Variants in SHISA6 observed in about 807,000 individuals in gnomAD.
SHISA6 encodes protein shisa-6.
Under a neutral mutation model 47.9 loss-of-function variants are expected in SHISA6, and 22 were observed. That is an observed-to-expected ratio of 0.46 (90% confidence interval 0.33 to 0.66). The LOEUF is 0.66. Ranked by LOEUF, SHISA6 falls within the 30% of genes least tolerant of loss-of-function variation. The pLI, the probability that SHISA6 is intolerant of heterozygous loss-of-function variation, is 0.02. For synonymous variants in SHISA6, 388 were observed against 337.8 expected (o/e 1.15, Z -1.63); for missense variants, 680 against 764.6 (o/e 0.89, Z 1.30).
intron 2 of SHISA6, among the ~76,000 whole-genome samples, chr17:11,333,635 C>A (rs12603375): frequency 0.17 from 26,085 of 152,092 alleles, 2,454 homozygotes; most frequent in Middle Eastern, 0.29. Flanking sequence ...ATGCCTCAGC[C>A]TCCCAAGTAG....
chr17:11,533,587 A>ATTTTTTTTTTTTTTTTTTTTTTTTTTTTT, intron 3 of SHISA6, among the ~76,000 whole-genome samples: 1 of 94,998 alleles, frequency 1.1e-5, no homozygotes, highest in Admixed American at 1.5e-4. Context: ...CCCTTTCATT[A>ATTTTTTTTTTTTTTTTTTTTTTTTTTTTT]TTTTTTTTTT....
intron 2 of SHISA6, among the ~76,000 whole-genome samples, chr17:11,352,735 G>C (rs549237092): frequency 4.6e-5 from 7 of 152,196 alleles, no homozygotes; most frequent in Non-Finnish European, 1.0e-4. Context: ...ATGTAGGGTT[G>C]AAACAGTAGG....
chr17:11,543,264 T>G (rs2193108), intron 3 of SHISA6, among the ~76,000 whole-genome samples: 2,561 of 152,170 alleles, frequency 0.017, 76 homozygotes, highest in African/African-American at 0.055. Flanking sequence ...TACATATATA[T>G]AGAGAGAGAT....
chr17:11,394,929 T>C (rs946855934), intron 3 of SHISA6, among the ~76,000 whole-genome samples: 2 of 151,808 alleles, frequency 1.3e-5, no homozygotes, highest in African/African-American at 4.8e-5. Context: ...TATATTGTTT[T>C]ATAATTGTTT....
chr17:11,289,972 AGTAG>A (rs1381743558), intron 2 of SHISA6: 1 of 152,136 alleles, frequency 6.6e-6, no homozygotes, highest in Admixed American at 6.5e-5. Flanking sequence ...CTTCTCTAAC[AGTAG>A]GTATAACTGA....
At chr17:11,550,364 T>C (rs2071920815) in intron 3 of SHISA6, among the ~76,000 whole-genome samples, 1 of 152,164 alleles carries the variant, frequency 6.6e-6, no homozygotes, top group Non-Finnish European at 1.5e-5. Context: ...CCTGTTGTGC[T>C]TGACTATTTA....
At chr17:11,360,197 T>C (rs943549412) in intron 2 of SHISA6, among the ~76,000 whole-genome samples, 9 of 152,184 alleles carry the variant, frequency 5.9e-5, no homozygotes, top group African/African-American at 2.2e-4. Context: ...GCCATCATTC[T>C]CAGCAAACTA....
At chr17:11,372,357 C>T (rs1249078595) in intron 2 of SHISA6, among the ~76,000 whole-genome samples, 2 of 152,186 alleles carry the variant, frequency 1.3e-5, no homozygotes, top group African/African-American at 4.8e-5. Context: ...TCACTCCCAC[C>T]AGTGGGAATG....
intron 2 of SHISA6, among the ~76,000 whole-genome samples, chr17:11,343,551 C>T (rs935349696): frequency 1.3e-5 from 2 of 152,148 alleles, no homozygotes; most frequent in Non-Finnish European, 2.9e-5. Context: ...GGTACCCTGA[C>T]GTTGTCTGCC....
At chr17:11,463,696 C>A (rs1004633009) in intron 3 of SHISA6, among the ~76,000 whole-genome samples, 2 of 152,154 alleles carry the variant, frequency 1.3e-5, no homozygotes, top group Non-Finnish European at 2.9e-5. Flanking sequence ...TTCATGTCTA[C>A]TAGGTTCTTA....
At chr17:11,427,314 TA>T (rs1331347668) in intron 3 of SHISA6, among the ~76,000 whole-genome samples, 2 of 152,312 alleles carry the variant, frequency 1.3e-5, no homozygotes, top group Admixed American at 6.5e-5. Flanking sequence ...TTTGAATTTT[TA>T]GTAGAGACGG....
intron 3 of SHISA6, among the ~76,000 whole-genome samples, chr17:11,402,254 G>A (rs905885117): frequency 6.6e-6 from 1 of 152,072 alleles, no homozygotes; most frequent in Non-Finnish European, 1.5e-5. Flanking sequence ...GGAACTACAC[G>A]GCTTTCTCAG....
At position 11,555,793 on chromosome 17, in the gene SHISA6, T is replaced by G. The variant is rs778771726; in HGVS notation, c.1006T>G (p.Ser336Ala). 5 of 1,551,654 alleles carry G rather than the reference T, an allele frequency of 3.2e-6. No homozygotes were observed. ...LTSATEPYDL[S>A]FSRSFQNLAH... Reference sequence around the variant, plus strand: ...ATCAGCCACCGAGCCCTATGACCTCTCCTTCTCCCGCTCGTTCCAGAACTT... The same window carrying G: ...ATCAGCCACCGAGCCCTATGACCTCGCCTTCTCCCGCTCGTTCCAGAACTT... The change falls in exon 5 of 6, where the codon TCC (serine) becomes GCC (alanine). Residue 336 changes from serine (S) to alanine (A), a missense_variant. Coordinates refer to ENST00000441885, the MANE Select transcript of SHISA6 (RefSeq NM_207386.4).
At chr17:11,274,761 G>T (rs1275559401) in intron 2 of SHISA6, among the ~76,000 whole-genome samples, 1 of 152,178 alleles carries the variant, frequency 6.6e-6, no homozygotes, top group Non-Finnish European at 1.5e-5. Context: ...TTAACTCCAG[G>T]AGCAGAAAGA....
At chr17:11,284,109 G>A (rs1909216363) in intron 2 of SHISA6, among the ~76,000 whole-genome samples, 1 of 151,860 alleles carries the variant, frequency 6.6e-6, no homozygotes, top group South Asian at 2.1e-4. Context: ...CAAACACGTA[G>A]GCATGCACAA....
intron 1 of SHISA6, among the ~76,000 whole-genome samples, chr17:11,248,956 G>A (rs1232299697): frequency 1.3e-5 from 2 of 152,012 alleles, no homozygotes; most frequent in Non-Finnish European, 2.9e-5. Flanking sequence ...CGGCTAACAC[G>A]GTGAAACCTC....
intron 2 of SHISA6, among the ~76,000 whole-genome samples, chr17:11,329,348 A>T (rs1911020250): frequency 6.6e-6 from 1 of 152,224 alleles, no homozygotes; most frequent in Non-Finnish European, 1.5e-5. Context: ...CTATCTTAAA[A>T]ATGTAAATCG....
At chr17:11,364,832 C>G (rs889678205) in intron 2 of SHISA6, among the ~76,000 whole-genome samples, 3 of 152,178 alleles carry the variant, frequency 2.0e-5, no homozygotes, top group Non-Finnish European at 4.4e-5. Flanking sequence ...TATGAGAGTT[C>G]CAGTTGCTCC....
intron 3 of SHISA6, among the ~76,000 whole-genome samples, chr17:11,439,891 A>T (rs2908951): frequency 6.6e-6 from 1 of 151,910 alleles, no homozygotes; most frequent in African/African-American, 2.4e-5. Context: ...TCCCTTTATT[A>T]AGAAGAGAGG....
Sources: gnomAD v4.1 joint callset for allele counts (sites outside exome capture counted in the v4.1 genomes callset) on GRCh38, gnomAD v4.1.1 for gene constraint, MANE v1.5 for transcripts, NCBI Gene and HGNC (gene_info 2026-07-23, HGNC 2026-07-21) for gene names.